PIM1: variants seen among roughly 807,000 people sequenced by gnomAD.
PIM1 encodes the protein Pim-1 proto-oncogene, serine/threonine kinase.
In PIM1, 9 loss-of-function variants were observed where a neutral mutation model predicts 34.5. The ratio of observed to expected loss-of-function variants is 0.26; its 90% CI spans 0.16 to 0.46. The LOEUF is 0.46. PIM1 is among the 20% of genes least tolerant of loss of function. The pLI is 1.00. For missense variants in PIM1, 274 were observed against 410.9 expected (o/e 0.67, Z 2.88); for synonymous variants, 199 against 175.2 (o/e 1.14, Z -1.07).
Position 37,174,169 on chromosome 6 carries a change from A to G in PIM1, c.*78A>G. 31 of 1,380,258 alleles carry G rather than the reference A, an allele frequency of 2.2e-5. No individual in the cohort carries two copies. Among genetic ancestry groups the G allele is most frequent in the Non-Finnish European group, 3.1e-5 (31 of 1,001,330 alleles). 85.5% of individuals were successfully genotyped at this position (1,380,258 alleles called of 1,614,324 possible). A position where few individuals can be genotyped will look rare whatever the true frequency, so the allele number is the denominator to read the frequency against. ...AGCTTCTGTCTCCAGCTTCCCGAGT[A>G]CCAGTGACACGTCTCGCCAAGCAGG... On this transcript the variant is annotated 3_prime_UTR_variant, in exon 6 of 6. Coordinates refer to ENST00000373509, the MANE Select transcript of PIM1 (RefSeq NM_002648.4).
In PIM1 at chr6:37,174,527, T is replaced by C. The variant is rs1762370761; in HGVS notation, c.*436T>C. On this transcript the variant is annotated 3_prime_UTR_variant, in exon 6 of 6. Transcript: ENST00000373509. Reference sequence around the variant, plus strand: ...GTCCCTGTCACCTCTTCCGACTCTTTCTGAGTGCCTTCTGTGGGGACTCCG... The same window carrying C: ...GTCCCTGTCACCTCTTCCGACTCTTCCTGAGTGCCTTCTGTGGGGACTCCG... The C allele has an allele frequency of 4.3e-6, 1 of 235,076 alleles. No homozygotes were observed. Among genetic ancestry groups the C allele is most frequent in the African/African-American group, 2.2e-5 (1 of 45,360 alleles). 14.6% of individuals were successfully genotyped at this position (235,076 alleles called of 1,614,324 possible). A position where few individuals can be genotyped will look rare whatever the true frequency, so the allele number is the denominator to read the frequency against.
In PIM1 at chr6:37,171,264, A is replaced by G; in HGVS notation, c.380A>G (p.Gln127Arg). Reference protein sequence around the residue: ...VLILERPEPVQDLFDFITERG... With the variant: ...VLILERPEPVRDLFDFITERG... ...ATCCTGGAGAGGCCCGAGCCGGTGC[A>G]AGATCTCTTCGACTTCATCACGGAA... The change falls in exon 4 of 6, where the codon CAA (glutamine) becomes CGA (arginine). Residue 127 changes from glutamine to arginine, a missense_variant. Around this residue, in one of 2 missense-constraint regions of PIM1, gnomAD observed 168 missense variants for 299.4 expected, o/e 0.56. Coordinates refer to ENST00000373509, the MANE Select transcript of PIM1 (RefSeq NM_002648.4). 2.5e-6 allele frequency: 4 copies of G among 1,614,136 alleles called. No individual in the cohort carries two copies. The highest frequency in any genetic ancestry group is 3.4e-6 in the Non-Finnish European group (4 of 1,180,036).
rs1230465186 is a variant in PIM1, at chr6:37,170,163, CGGGGCGAGCCGGGCGTCTGCTGCA to C, written c.-411_-388del. ...CGCTCCTCCCCTTTACTCCTGGCTG[CGGGGCGAGCCGGGCGTCTGCTGCA>C]GCGGCCGCGGTGGCTGAGGAGGCCC... On this transcript the variant is annotated 5_prime_UTR_variant, in exon 1 of 6. Coordinates refer to ENST00000373509, the MANE Select transcript of PIM1 (RefSeq NM_002648.4). 1 of 933,566 alleles carries C rather than the reference CGGGGCGAGCCGGGCGTCTGCTGCA, an allele frequency of 1.1e-6. No individual in the cohort carries two copies. The highest frequency in any genetic ancestry group is 1.8e-5 in the African/African-American group (1 of 56,980). The allele number at this position is 933,566 out of a possible 1,614,324, so 57.8% of individuals were successfully genotyped here.
At chr6:37,172,914 A>G in intron 4 of PIM1, 82 bp from the exon 5 acceptor site, 2 of 1,187,966 alleles carry the variant, frequency 1.7e-6, no homozygotes, top group African/African-American at 1.6e-5. Context: ...TTTTTAAAAG[A>G]AAGAGTTATA....
intron 5 of PIM1, 99 bp from the exon 6 acceptor site, chr6:37,173,834 AC>A: frequency 3.6e-6 from 4 of 1,097,534 alleles, no homozygotes; most frequent in African/African-American, 1.6e-5. Context: ...CCTCCCTGGG[AC>A]CCCAGACTTG....
At position 37,170,989 on chromosome 6, in the gene PIM1, CA is replaced by C. The variant is rs763438105; in HGVS notation, c.201del (p.Lys67AsnfsTer27). ...AGACCCTGGGCTTCCAGGTGGCCATCAAACACGTGGAGAAGGACCGGATTTC... is the reference window on the plus strand; with the variant it reads ...AGACCCTGGGCTTCCAGGTGGCCATCAACACGTGGAGAAGGACCGGATTTC... ...RVSDNLPVAI[K>X]HVEKDRISDW... is the part of the protein sequence containing the mutation. On this transcript the variant is annotated frameshift_variant, in exon 3 of 6. Coordinates refer to ENST00000373509, the MANE Select transcript of PIM1 (RefSeq NM_002648.4). LOFTEE classifies it high-confidence loss of function. 6.2e-7 allele frequency: 1 copy of C among 1,614,068 alleles called. No homozygotes were observed. Among genetic ancestry groups the C allele is most frequent in the Non-Finnish European group, 8.5e-7 (1 of 1,179,992 alleles).
At position 37,170,228 on chromosome 6, in the gene PIM1, C is replaced by A; in HGVS notation, c.-348C>A. On this transcript the variant is annotated 5_prime_UTR_variant, in exon 1 of 6. Transcript: ENST00000373509. ...GAGGAGGCCCGAGAGGAGTCGGTGG[C>A]AGCGGCGGCGGCGGGACCGGCAGCA... 2.4e-6 allele frequency: 3 copies of A among 1,274,014 alleles called. No homozygotes were observed. Among genetic ancestry groups the A allele is most frequent in the Non-Finnish European group, 3.0e-6 (3 of 1,008,202 alleles). 78.9% of individuals were successfully genotyped at this position (1,274,014 alleles called of 1,614,324 possible). A position where few individuals can be genotyped will look rare whatever the true frequency, so the allele number is the denominator to read the frequency against.
Position 37,170,591 on chromosome 6 carries a change from A to C in PIM1, c.16A>C (p.Ile6Leu). Residue 6 changes from isoleucine (I) to leucine (L), a missense_variant, in exon 1 of 6, where the codon ATC becomes CTC. This residue lies in a region of PIM1 where 106 missense variants were observed against 111.5 expected (regional missense o/e 0.95). Transcript: ENST00000373509. ...GGAGGTTGGGATGCTCTTGTCCAAA[A>C]TCAACTCGCTTGCCCACCTGCGCGC... MLLSK[I>L]NSLAHLRAAP... is the part of the protein sequence containing the mutation. 1 of 1,612,978 alleles carries C rather than the reference A, an allele frequency of 6.2e-7. No individual in the cohort carries two copies. The highest frequency in any genetic ancestry group is 8.5e-7 in the Non-Finnish European group (1 of 1,179,534).
At position 37,170,879 on chromosome 6, in the gene PIM1, G is replaced by A. The variant is rs768246447; in HGVS notation, c.189G>A (p.Pro63=). ...GCATCCGCGTCTCCGACAACTTGCCGGTGAGTGGGCGCCCCGCGGTGGGGA... is the reference window on the plus strand; with the variant it reads ...GCATCCGCGTCTCCGACAACTTGCCAGTGAGTGGGCGCCCCGCGGTGGGGA... The part of the protein sequence containing the change: ...YSGIRVSDNL[P]VAIKHVEKDR... Residue 63 remains proline, a splice_region_variant and synonymous_variant, in exon 2 of 6, where the codon CCG becomes CCA. Transcript: ENST00000373509. 5 of 1,612,518 alleles carry A rather than the reference G, an allele frequency of 3.1e-6. No individual in the cohort carries two copies. The South Asian group carries it at 3.3e-5, about 11-fold the overall frequency.
chr6:37,170,536 C>T lies in PIM1; in HGVS notation c.-40C>T, dbSNP rs543202284. 157 of 1,610,894 alleles carry T rather than the reference C, an allele frequency of 9.7e-5. 1 individual carries two copies. The highest frequency in any genetic ancestry group is 9.0e-4 in the Admixed American group (54 of 59,952). On this transcript the variant is annotated 5_prime_UTR_variant, in exon 1 of 6. Transcript: ENST00000373509. Reference sequence around the variant, plus strand: ...CCGGCTCCGGCTCCTGCGGCAGCTCCTCTGGGCACCGTCCCTGCGCCGACA... The same window carrying T: ...CCGGCTCCGGCTCCTGCGGCAGCTCTTCTGGGCACCGTCCCTGCGCCGACA...
Position 37,171,439 on chromosome 6 carries a change from C to T in PIM1, c.555C>T (p.Ile185=), listed in dbSNP as rs751456473. 8.7e-6 allele frequency: 14 copies of T among 1,613,894 alleles called. No homozygotes were observed. The highest frequency in any genetic ancestry group is 1.2e-5 in the Non-Finnish European group (14 of 1,180,032). Residue 185 remains isoleucine, a synonymous_variant, in exon 4 of 6, where the codon ATC becomes ATT. Transcript: ENST00000373509. ...IDLNRGELKL[I]DFGSGALLKD... Reference sequence around the variant, plus strand: ...TCAATCGCGGCGAGCTCAAGCTCATCGACTTCGGGTCGGGGGCGCTGCTCA... The same window carrying T: ...TCAATCGCGGCGAGCTCAAGCTCATTGACTTCGGGTCGGGGGCGCTGCTCA...
chr6:37,173,320 T>C, intron 5 of PIM1, 148 bp downstream of exon 5: 1 of 709,204 alleles, frequency 1.4e-6, no homozygotes, highest in Non-Finnish European at 2.3e-6. Context: ...TGATTTACAC[T>C]TGAGCTGGCC....
In PIM1 at chr6:37,170,821, T is replaced by G; in HGVS notation, c.131T>G (p.Leu44Arg). Residue 44 changes from leucine (L) to arginine (R), a missense_variant, in exon 2 of 6, where the codon CTG (leucine) becomes CGG (arginine). Leu to Arg is a moderately radical substitution (Grantham distance 102, BLOSUM62 -2). Around this residue, in one of 2 missense-constraint regions of PIM1, gnomAD observed 106 missense variants for 111.5 expected, o/e 0.95. Coordinates refer to ENST00000373509, the MANE Select transcript of PIM1 (RefSeq NM_002648.4). Reference sequence around the variant, plus strand: ...TCGCAGTACCAGGTGGGCCCGCTACTGGGCAGCGGCGGCTTCGGCTCGGTC... The same window carrying G: ...TCGCAGTACCAGGTGGGCCCGCTACGGGGCAGCGGCGGCTTCGGCTCGGTC... ...LESQYQVGPLLGSGGFGSVYS... is the reference protein window; with the variant it reads ...LESQYQVGPLRGSGGFGSVYS... 6.2e-7 allele frequency: 1 copy of G among 1,613,010 alleles called. No individual in the cohort carries two copies. The highest frequency in any genetic ancestry group is 8.5e-7 in the Non-Finnish European group (1 of 1,179,654).
chr6:37,170,271 AGC>A lies in PIM1; in HGVS notation c.-304_-303del. 4.4e-6 allele frequency: 6 copies of A among 1,351,902 alleles called. No homozygotes were observed. The highest frequency in any genetic ancestry group is 3.3e-5 in the Admixed American group (1 of 30,496). The allele number at this position is 1,351,902 out of a possible 1,614,324, so 83.7% of individuals were successfully genotyped here. On this transcript the variant is annotated 5_prime_UTR_variant, in exon 1 of 6. Coordinates refer to ENST00000373509, the MANE Select transcript of PIM1 (RefSeq NM_002648.4). ...CGGCAGCAGCAGCAGCAGCAGCAGC[AGC>A]AGCAACCACTAGCCTCCTGCCCCGC...
Position 37,170,628 on chromosome 6 carries a change from A to G in PIM1, c.53A>G (p.Asn18Ser). 1 of 1,612,680 alleles carries G rather than the reference A, an allele frequency of 6.2e-7. No individual in the cohort carries two copies. Among genetic ancestry groups the G allele is most frequent in the Non-Finnish European group, 8.5e-7 (1 of 1,179,494 alleles). The change falls in exon 1 of 6, where the codon AAC becomes AGC. Residue 18 changes from asparagine to serine, a missense_variant. Transcript: ENST00000373509. ...GCCCACCTGCGCGCCGCGCCCTGCA[A>G]CGACCTGCACGCCACCAAGCTGGCG... ...SLAHLRAAPC[N>S]DLHATKLAPG...
intron 2 of PIM1, 34 bp downstream of exon 2, chr6:37,170,913 C>T: frequency 6.2e-7 from 1 of 1,612,000 alleles, no homozygotes; most frequent in South Asian, 1.1e-5. Flanking sequence ...GAGGGCGCGC[C>T]GGGCGGGGGG....
At position 37,174,177 on chromosome 6, in the gene PIM1, C is replaced by A; in HGVS notation, c.*86C>A. 1 of 1,301,172 alleles carries A rather than the reference C, an allele frequency of 7.7e-7. No individual in the cohort carries two copies. Among genetic ancestry groups the A allele is most frequent in the Non-Finnish European group, 1.1e-6 (1 of 934,380 alleles). The allele number at this position is 1,301,172 out of a possible 1,614,324, so 80.6% of individuals were successfully genotyped here. A position where few individuals can be genotyped will look rare whatever the true frequency, so the allele number is the denominator to read the frequency against. On this transcript the variant is annotated 3_prime_UTR_variant, in exon 6 of 6. Transcript: ENST00000373509. Reference sequence around the variant, plus strand: ...TCTCCAGCTTCCCGAGTACCAGTGACACGTCTCGCCAAGCAGGACAGTGCT... The same window carrying A: ...TCTCCAGCTTCCCGAGTACCAGTGAAACGTCTCGCCAAGCAGGACAGTGCT...
chr6:37,173,886 A>AGTC, intron 5 of PIM1, 48 bp from the exon 6 acceptor site: 1 of 1,562,134 alleles, frequency 6.4e-7, no homozygotes, highest in Non-Finnish European at 8.7e-7. Flanking sequence ...TTTGCAGTGT[A>AGTC]AAAACAAGTT....
intron 4 of PIM1, 105 bp downstream of exon 4, chr6:37,171,596 G>GCTCGATGCTA: frequency 7.2e-7 from 1 of 1,380,384 alleles, no homozygotes; most frequent in Non-Finnish European, 9.7e-7. Context: ...AAGGTCATTG[G>GCTCGATGCTA]GCCGCCTGGC....
Sources: allele counts gnomAD v4.1 joint callset, GRCh38; gene constraint gnomAD v4.1.1; regional missense constraint gnomAD v4.1.1; transcripts MANE v1.5; gene names NCBI Gene and HGNC (gene_info 2026-07-23, HGNC 2026-07-21).